RIPOR2: variants seen among roughly 807,000 people sequenced by gnomAD.
RIPOR2 encodes the protein RHO family interacting cell polarization regulator 2.
In RIPOR2, 39 loss-of-function variants were observed where a neutral mutation model predicts 114.5. That is an observed-to-expected ratio of 0.34 (90% CI 0.26 to 0.44). The LOEUF (loss-of-function observed/expected upper bound fraction) is 0.44, where lower values mean the gene tolerates loss of function less well. RIPOR2 is among the 20% of genes least tolerant of loss of function. The pLI, the probability that RIPOR2 is intolerant of heterozygous loss-of-function variation, is 1.00. For missense variants in RIPOR2, 1,007 were observed against 1,255.1 expected, an observed-to-expected ratio of 0.80 and a Z score of 2.99; for synonymous variants, 445 against 484.4, an observed-to-expected ratio of 0.92 and a Z score of 1.07.
intron 1 of RIPOR2, among the ~76,000 whole-genome samples, chr6:24,952,349 T>C (rs1243931622): frequency 6.6e-6 from 1 of 152,176 alleles, no homozygotes; most frequent in East Asian, 1.9e-4. Flanking sequence ...GGGGATCCTG[T>C]CATGTTGGCT....
At chr6:25,000,205 T>C (rs1039189602) in intron 1 of RIPOR2, among the ~76,000 whole-genome samples, 2 of 152,196 alleles carry the variant, frequency 1.3e-5, no homozygotes, top group African/African-American at 4.8e-5. Context: ...TCACTCTCCA[T>C]TAGAGGTTGC....
chr6:24,933,693 G>A (rs907797234), intron 1 of RIPOR2, among the ~76,000 whole-genome samples: 1 of 152,176 alleles, frequency 6.6e-6, no homozygotes, highest in Non-Finnish European at 1.5e-5. Flanking sequence ...CAACCGATAG[G>A]TATTACTGTC....
intron 1 of RIPOR2, among the ~76,000 whole-genome samples, chr6:24,899,079 A>G (rs966933532): frequency 1.3e-5 from 2 of 151,536 alleles, no homozygotes; most frequent in African/African-American, 4.9e-5. Flanking sequence ...ATTTCCACTG[A>G]TGTCCATTCA....
chr6:24,844,414 G>T (rs1388406982), intron 12 of RIPOR2, among the ~76,000 whole-genome samples: 1 of 151,952 alleles, frequency 6.6e-6, no homozygotes, highest in Non-Finnish European at 1.5e-5. Flanking sequence ...GCCAAATGCT[G>T]CTCTGTGGAA....
intron 1 of RIPOR2, among the ~76,000 whole-genome samples, chr6:25,008,157 G>C (rs1277363083): frequency 6.6e-6 from 1 of 152,098 alleles, no homozygotes; most frequent in Non-Finnish European, 1.5e-5. Flanking sequence ...CTAGTCTCTA[G>C]AACTGCATGG....
At chr6:24,884,435 AAATT>A (rs1168741717) in intron 1 of RIPOR2, among the ~76,000 whole-genome samples, 3 of 152,184 alleles carry the variant, frequency 2.0e-5, no homozygotes, top group Non-Finnish European at 4.4e-5. Context: ...AAAAATAAAT[AAATT>A]AAGAAATCAA....
intron 14 of RIPOR2, among the ~76,000 whole-genome samples, chr6:24,838,518 A>G (rs115598721): frequency 0.027 from 4,152 of 152,248 alleles, 199 homozygotes; most frequent in African/African-American, 0.09. Flanking sequence ...AGGGCTGGGC[A>G]TAGTGGCTCA....
At chr6:24,889,621 G>C (rs905788324) in intron 1 of RIPOR2, among the ~76,000 whole-genome samples, 2 of 151,924 alleles carry the variant, frequency 1.3e-5, no homozygotes, top group Non-Finnish European at 2.9e-5. Context: ...GCACAGAAAT[G>C]CTTGTTAAAT....
chr6:24,924,120 G>GCTTTGATCATCC (rs1459556233), intron 1 of RIPOR2, among the ~76,000 whole-genome samples: 1 of 152,166 alleles, frequency 6.6e-6, no homozygotes, highest in African/African-American at 2.4e-5. Flanking sequence ...GCAAGAGCCA[G>GCTTTGATCATCC]CACTGTTTTG....
At chr6:24,999,181 T>C (rs1193025812) in intron 1 of RIPOR2, among the ~76,000 whole-genome samples, 2 of 152,310 alleles carry the variant, frequency 1.3e-5, no homozygotes, top group East Asian at 3.9e-4. Context: ...GATAAGACCC[T>C]GAAAAACCAG....
At chr6:25,027,194 C>T (rs982135158) in intron 1 of RIPOR2, among the ~76,000 whole-genome samples, 1 of 152,190 alleles carries the variant, frequency 6.6e-6, no homozygotes, top group African/African-American at 2.4e-5. Flanking sequence ...AATATTTCCA[C>T]GTGCATTATC....
chr6:24,902,697 A>G (rs1041344374), intron 1 of RIPOR2, among the ~76,000 whole-genome samples: 1 of 152,192 alleles, frequency 6.6e-6, no homozygotes, highest in African/African-American at 2.4e-5. Context: ...CTCCTTCTCA[A>G]TGGTACCAAC....
At chr6:24,988,528 T>G (rs778657926) in intron 1 of RIPOR2, among the ~76,000 whole-genome samples, 1 of 152,248 alleles carries the variant, frequency 6.6e-6, no homozygotes, top group South Asian at 2.1e-4. Flanking sequence ...CACTTCCAAT[T>G]GGTATCTTGT....
At chr6:24,889,882 T>A (rs182277098) in intron 1 of RIPOR2, among the ~76,000 whole-genome samples, 18 of 151,518 alleles carry the variant, frequency 1.2e-4, no homozygotes, top group South Asian at 4.2e-4. Flanking sequence ...TATGTTCATT[T>A]TTTTATTTTA....
intron 1 of RIPOR2, among the ~76,000 whole-genome samples, chr6:24,946,619 A>T (rs1013942620): frequency 6.6e-6 from 1 of 152,160 alleles, no homozygotes; most frequent in African/African-American, 2.4e-5. Context: ...ACTGGTGCAG[A>T]TCTCACATTG....
At chr6:24,873,821 T>G in intron 2 of RIPOR2, 22 bp from the exon 3 acceptor site, 1 of 1,583,970 alleles carries the variant, frequency 6.3e-7, no homozygotes. Context: ...ACAGAAGAAA[T>G]TGTGAGGATT....
intron 1 of RIPOR2, among the ~76,000 whole-genome samples, chr6:24,968,072 CT>C (rs1279695460): frequency 1.3e-5 from 2 of 152,016 alleles, no homozygotes; most frequent in South Asian, 4.2e-4. Flanking sequence ...GTCACCACAC[CT>C]GGCTCTATTT....
At chr6:24,920,039 G>A (rs1770365107) in intron 1 of RIPOR2, among the ~76,000 whole-genome samples, 1 of 152,250 alleles carries the variant, frequency 6.6e-6, no homozygotes, top group South Asian at 2.1e-4. Flanking sequence ...TTAGAATAAA[G>A]AGAAGTGATT....
chr6:24,941,138 T>A (rs1772112315), intron 1 of RIPOR2, among the ~76,000 whole-genome samples: 1 of 152,122 alleles, frequency 6.6e-6, no homozygotes, highest in African/African-American at 2.4e-5. Flanking sequence ...TTAGAGTCAC[T>A]TACTGAAGGT....
Sources: allele counts gnomAD v4.1 joint callset (sites outside exome capture counted in the v4.1 genomes callset), GRCh38; gene constraint gnomAD v4.1.1; transcripts MANE v1.5; gene names NCBI Gene and HGNC (gene_info 2026-07-23, HGNC 2026-07-21).